Variants in PLPPR1 observed in about 807,000 individuals in gnomAD.
PLPPR1 encodes the protein phospholipid phosphatase-related protein type 1.
In PLPPR1, 10 loss-of-function variants were observed where a neutral mutation model predicts 33.1. That is an observed-to-expected ratio of 0.30 (90% confidence interval 0.19 to 0.51). PLPPR1 has a LOEUF of 0.51. Ranked by LOEUF, PLPPR1 falls within the 20% of genes least tolerant of loss-of-function variation. The pLI is 0.97. For synonymous variants in PLPPR1, 151 were observed against 151.0 expected, an observed-to-expected ratio of 1.00 and a Z score of 0.00; for missense variants, 304 against 408.1, an observed-to-expected ratio of 0.74 and a Z score of 2.20.
chr9:101,199,505 ACT>A (rs1309612198), intron 2 of PLPPR1, among the ~76,000 whole-genome samples: 1 of 152,154 alleles, frequency 6.6e-6, no homozygotes, highest in Non-Finnish European at 1.5e-5. Context: ...AAATGCGGTC[ACT>A]CTAGCATAAG....
At chr9:101,199,030 C>T (rs1368768189) in intron 2 of PLPPR1, among the ~76,000 whole-genome samples, 2 of 152,132 alleles carry the variant, frequency 1.3e-5, no homozygotes, top group African/African-American at 2.4e-5. Context: ...GTGCTGAGAA[C>T]CTGGAGCCAT....
intron 1 of PLPPR1, among the ~76,000 whole-genome samples, chr9:101,167,214 T>TACAC (rs745548060): frequency 2.7e-4 from 7 of 26,140 alleles, no homozygotes; most frequent in Admixed American, 1.3e-3. Context: ...CACACACACA[T>TACAC]ACACACACAC....
chr9:101,248,128 T>C (rs1827648217), intron 2 of PLPPR1, among the ~76,000 whole-genome samples: 1 of 152,052 alleles, frequency 6.6e-6, no homozygotes, highest in Admixed American at 6.6e-5. Context: ...ACCCTAGTTA[T>C]GGCAGTTCGG....
chr9:101,285,227 A>C (rs1268860516), intron 3 of PLPPR1, among the ~76,000 whole-genome samples: 1 of 152,132 alleles, frequency 6.6e-6, no homozygotes, highest in East Asian at 1.9e-4. Flanking sequence ...GTCTCTACCA[A>C]TTCCTTGTTT....
intron 1 of PLPPR1, among the ~76,000 whole-genome samples, chr9:101,131,345 A>G (rs1395422125): frequency 6.6e-6 from 1 of 152,186 alleles, no homozygotes; most frequent in Non-Finnish European, 1.5e-5. Flanking sequence ...GAGGGTAGCT[A>G]AAGCAGTATT....
At chr9:101,241,792 A>C (rs10116447) in intron 2 of PLPPR1, among the ~76,000 whole-genome samples, 78,564 of 151,976 alleles carry the variant, frequency 0.52, 22,108 homozygotes, top group African/African-American at 0.76. Context: ...CTGAGTGGTA[A>C]AAGTCAGTTT....
intron 1 of PLPPR1, among the ~76,000 whole-genome samples, chr9:101,110,810 T>C (rs930824914): frequency 1.7e-4 from 26 of 152,162 alleles, no homozygotes; most frequent in South Asian, 2.1e-4. Context: ...CATGTGTTAC[T>C]TCTATAATTA....
At chr9:101,164,441 C>T (rs1825820464) in intron 1 of PLPPR1, among the ~76,000 whole-genome samples, 1 of 151,324 alleles carries the variant, frequency 6.6e-6, no homozygotes, top group Non-Finnish European at 1.5e-5. Flanking sequence ...TGGCTCATTG[C>T]AACCTCTGCC....
At chr9:101,232,260 T>C (rs901058366) in intron 2 of PLPPR1, among the ~76,000 whole-genome samples, 3 of 151,908 alleles carry the variant, frequency 2.0e-5, no homozygotes, top group Non-Finnish European at 2.9e-5. Flanking sequence ...ACTGAGAAAT[T>C]CTGGAATATA....
intron 1 of PLPPR1, among the ~76,000 whole-genome samples, chr9:101,062,448 G>T (rs1291930448): frequency 6.6e-6 from 1 of 151,970 alleles, no homozygotes; most frequent in Non-Finnish European, 1.5e-5. Context: ...GTAGACCTGA[G>T]TTTTGCAGAA....
At chr9:101,291,220 G>A (rs1045866237) in intron 4 of PLPPR1, among the ~76,000 whole-genome samples, 13 of 152,236 alleles carry the variant, frequency 8.5e-5, no homozygotes, top group Non-Finnish European at 1.9e-4. Flanking sequence ...CTGCAAGGTG[G>A]CAGCAAGGCT....
intron 2 of PLPPR1, among the ~76,000 whole-genome samples, chr9:101,261,155 A>T (rs1469529316): frequency 1.3e-5 from 2 of 152,200 alleles, no homozygotes; most frequent in Non-Finnish European, 2.9e-5. Flanking sequence ...GAGGTAACTC[A>T]TTATACCTCA....
intron 1 of PLPPR1, among the ~76,000 whole-genome samples, chr9:101,164,425 C>G (rs1171786102): frequency 6.6e-6 from 1 of 150,508 alleles, no homozygotes. Context: ...TGCAGAGGCA[C>G]GATCTTGGCT....
intron 6 of PLPPR1, 62 bp downstream of exon 6, chr9:101,313,036 C>T (rs1298763684): frequency 1.4e-6 from 2 of 1,466,478 alleles, no homozygotes; most frequent in Non-Finnish European, 1.9e-6. Context: ...AACTGTGAGT[C>T]AGGTTTCCCA....
At chr9:101,322,506 AT>A (rs971546988) in intron 7 of PLPPR1, 1 of 152,212 alleles carries the variant, frequency 6.6e-6, no homozygotes, top group African/African-American at 2.4e-5. Flanking sequence ...TTTCTGTCTG[AT>A]TGTGGCAGCC....
intron 2 of PLPPR1, among the ~76,000 whole-genome samples, chr9:101,201,265 T>A: frequency 6.6e-6 from 1 of 152,204 alleles, no homozygotes; most frequent in South Asian, 2.1e-4. Flanking sequence ...ACTACCACTT[T>A]GGCCATTAAG....
intron 2 of PLPPR1, among the ~76,000 whole-genome samples, chr9:101,191,015 A>G (rs1826288550): frequency 6.6e-6 from 1 of 152,196 alleles, no homozygotes; most frequent in Non-Finnish European, 1.5e-5. Flanking sequence ...CTTGAATTGT[A>G]GCTTGTAGTC....
chr9:101,319,191 C>T (rs180885210), intron 7 of PLPPR1, among the ~76,000 whole-genome samples: 8 of 152,112 alleles, frequency 5.3e-5, no homozygotes, highest in South Asian at 2.1e-4. Context: ...TTTTTTCCCC[C>T]GCTGAGATGG....
Position 101,218,290 on chromosome 9 carries a change from G to A in PLPPR1, c.63+32733G>A, listed in dbSNP as rs987639378. 3.9e-5 allele frequency among the ~76,000 whole-genome samples: 6 copies of A among 152,120 alleles called. No individual in the cohort carries two copies. The East Asian group carries it at 7.7e-4, about 20-fold the overall frequency. ...GAAAGAATAAGCAATAAAGTCTGTC[G>A]ATGCTGTATTTGCAATAATATAAAA... On this transcript the variant is annotated intron_variant, in intron 2 of 7. Transcript: ENST00000374874.
Sources: gnomAD v4.1 joint callset for allele counts (sites outside exome capture counted in the v4.1 genomes callset) on GRCh38, gnomAD v4.1.1 for gene constraint, MANE v1.5 for transcripts, NCBI Gene and HGNC (gene_info 2026-07-23, HGNC 2026-07-21) for gene names.